The following HEMGN variants were observed in gnomAD, a reference collection of about 807,000 sequenced individuals.
The protein encoded by HEMGN is hemogen.
In HEMGN, 32 loss-of-function variants were observed where a neutral mutation model predicts 45.7. The observed-to-expected ratio is 0.70, with a 90% confidence interval of 0.53 to 0.94. HEMGN has a LOEUF of 0.94. Among genes scored for constraint, HEMGN ranks in the 40% least tolerant of loss-of-function variants. HEMGN has a pLI of 0.00. For missense variants in HEMGN, 530 were observed against 564.2 expected (o/e 0.94, Z 0.61); for synonymous variants, 183 against 178.6 (o/e 1.02, Z -0.20).
chr9:97,944,064 G>C (rs1321198152), intron 1 of HEMGN, among the ~76,000 whole-genome samples: 1 of 152,088 alleles, frequency 6.6e-6, no homozygotes, highest in Non-Finnish European at 1.5e-5. Flanking sequence ...TGTTTTCCAA[G>C]AGTCCCTGAT....
At chr9:97,938,635 C>T (rs1208225665), upstream of HEMGN, among the ~76,000 whole-genome samples, 1 of 152,136 alleles carries the variant, frequency 6.6e-6, no homozygotes, top group African/African-American at 2.4e-5. Context: ...CTACTTCATA[C>T]GGTTCTTGTG....
chr9:97,938,806 C>A (rs181917509), upstream of HEMGN, among the ~76,000 whole-genome samples: 2 of 152,108 alleles, frequency 1.3e-5, no homozygotes, highest in Non-Finnish European at 2.9e-5. Context: ...ACATAAAGAA[C>A]CAAATTAGAA....
Position 97,927,363 on chromosome 9 carries a change from C to CA in HEMGN, c.*20dup, listed in dbSNP as rs1465817147. ...TTAAGCTGTATGTTCCATTGGACCA[C>CA]AACTTTATGGTTGAGCATTGTTAAA... On this transcript the variant is annotated 3_prime_UTR_variant, in exon 4 of 4. Transcript: ENST00000616898. 3.5e-6 allele frequency: 5 copies of CA among 1,422,544 alleles called. No individual in the cohort carries two copies. The highest frequency in any genetic ancestry group is 4.9e-6 in the Non-Finnish European group (5 of 1,019,562). 88.1% of individuals were successfully genotyped at this position (1,422,544 alleles called of 1,614,324 possible).
intron 3 of HEMGN, 74 bp downstream of exon 3, chr9:97,929,961 G>C: frequency 3.7e-6 from 4 of 1,082,542 alleles, no homozygotes; most frequent in Non-Finnish European, 5.5e-6. Flanking sequence ...GGAATACCCA[G>C]GATTGTCAGA....
chr9:97,938,029 C>A (rs762299439), intron 1 of HEMGN, 29 bp downstream of exon 1: 1 of 1,404,652 alleles, frequency 7.1e-7, no homozygotes, highest in Non-Finnish European at 1.0e-6. Context: ...TTCTCAACAG[C>A]CACCAGCTCT....
intron 2 of HEMGN, among the ~76,000 whole-genome samples, chr9:97,932,965 T>C (rs1826984844): frequency 6.6e-6 from 1 of 152,094 alleles, no homozygotes. Flanking sequence ...GAAACACATA[T>C]TTTTTCCTAG....
Position 97,930,458 on chromosome 9 carries a change from T to C in HEMGN, c.937A>G (p.Lys313Glu). The change falls in exon 3 of 4, where the codon AAA becomes GAA. Residue 313 changes from lysine to glutamate, a missense_variant. Transcript: ENST00000616898. Reference protein sequence around the residue: ...EIAEPKDLSTKTHQESAEPKY... With the variant: ...EIAEPKDLSTETHQESAEPKY... The stretch of plus-strand genomic sequence containing the variant: ...GGTTCAGCTGATTCTTGGTGTGTTT[T>C]TGTAGAAAGGTCTTTAGGCTCAGCT... The C allele has an allele frequency of 6.2e-7, 1 of 1,614,190 alleles. No homozygotes were observed.
At chr9:97,927,933 A>G (rs1826860634) in intron 3 of HEMGN, among the ~76,000 whole-genome samples, 1 of 152,140 alleles carries the variant, frequency 6.6e-6, no homozygotes. Flanking sequence ...GATGTCTAGT[A>G]ACATTAATTA....
upstream of HEMGN, among the ~76,000 whole-genome samples, chr9:97,940,626 TCTAA>T (rs979109273): frequency 1.2e-3 from 190 of 152,336 alleles, no homozygotes; most frequent in African/African-American, 4.4e-3. Flanking sequence ...GTTAGAATTC[TCTAA>T]CTAGAATTTC....
Position 97,931,188 on chromosome 9 carries a change from T to A in HEMGN, c.207A>T (p.Gly69=). Residue 69 remains glycine (G), a synonymous_variant, in exon 3 of 4, where the codon GGA becomes GGT. Coordinates refer to ENST00000616898, the MANE Select transcript of HEMGN (RefSeq NM_197978.3). ...EQKKRKQQRT[G]KGNRRGRKRQ... is the part of the protein sequence containing the mutation. Reference sequence around the variant, plus strand: ...TCTTTCTGCCTCTTCGATTTCCTTTTCCTGTTCTCTGCTGCTTGCGTTTTT... The same window carrying A: ...TCTTTCTGCCTCTTCGATTTCCTTTACCTGTTCTCTGCTGCTTGCGTTTTT... The A allele has an allele frequency of 6.2e-7, 1 of 1,611,340 alleles. No homozygotes were observed. The highest frequency in any genetic ancestry group is 1.1e-5 in the South Asian group (1 of 90,358).
chr9:97,937,073 T>C (rs896839834), intron 1 of HEMGN, among the ~76,000 whole-genome samples: 1 of 152,182 alleles, frequency 6.6e-6, no homozygotes, highest in African/African-American at 2.4e-5. Context: ...CCTTGAACCA[T>C]GGTGCCTCTT....
Position 97,930,666 on chromosome 9 carries a change from A to G in HEMGN, c.729T>C (p.Pro243=). The change falls in exon 3 of 4, where the codon CCT becomes CCC. Residue 243 remains proline (P), a synonymous_variant. Transcript: ENST00000616898. Reference sequence around the variant, plus strand: ...CAGCTGTGTCTTCAGATGTTGGACAAGGAAGGATTTTGGGTACAGCAGCTT... The same window carrying G: ...CAGCTGTGTCTTCAGATGTTGGACAGGGAAGGATTTTGGGTACAGCAGCTT... ...CQEAAVPKIL[P]CPTSEDTADL... is the part of the protein sequence containing the mutation. The G allele has an allele frequency of 6.2e-7, 1 of 1,614,174 alleles. No homozygotes were observed. Among genetic ancestry groups the G allele is most frequent in the East Asian group, 2.2e-5 (1 of 44,884 alleles).
chr9:97,928,826 A>G (rs1826886069), intron 3 of HEMGN, among the ~76,000 whole-genome samples: 1 of 152,220 alleles, frequency 6.6e-6, no homozygotes, highest in Non-Finnish European at 1.5e-5. Context: ...AGTTGTTACA[A>G]AAGACATCAT....
Position 97,926,999 on chromosome 9 carries a change from T to C in HEMGN, c.*385A>G, listed in dbSNP as rs796254652. ...CTGTTACATTAATAATTGAACAGCA[T>C]TTACAAGAAAACTATATACTCCACA... is the stretch of plus-strand genomic sequence containing the variant. On this transcript the variant is annotated 3_prime_UTR_variant, in exon 4 of 4. Coordinates refer to ENST00000616898, the MANE Select transcript of HEMGN (RefSeq NM_197978.3). 1 of 154,532 alleles carries C rather than the reference T, an allele frequency of 6.5e-6. No individual in the cohort carries two copies. The highest frequency in any genetic ancestry group is 2.4e-5 in the African/African-American group (1 of 41,678). 9.6% of individuals were successfully genotyped at this position (154,532 alleles called of 1,614,324 possible). A position where few individuals can be genotyped will look rare whatever the true frequency, so the allele number is the denominator to read the frequency against.
At chr9:97,932,619 C>G (rs1413845375) in intron 2 of HEMGN, among the ~76,000 whole-genome samples, 2 of 152,098 alleles carry the variant, frequency 1.3e-5, no homozygotes, top group Non-Finnish European at 2.9e-5. Context: ...GCCTGGCCAA[C>G]ATAGTGAAAC....
At chr9:97,931,942 G>A (rs568099767) in intron 2 of HEMGN, among the ~76,000 whole-genome samples, 1 of 152,280 alleles carries the variant, frequency 6.6e-6, no homozygotes, top group Admixed American at 6.5e-5. Context: ...CAAATTGTTA[G>A]GCACTGCAAA....
Position 97,929,281 on chromosome 9 carries a change from C to G in HEMGN, c.1360+754G>C, listed in dbSNP as rs536803340. On this transcript the variant is annotated intron_variant, in intron 3 of 3. Coordinates refer to ENST00000616898, the MANE Select transcript of HEMGN (RefSeq NM_197978.3). ...TTCAAAACTGGTATTACTTGGAAAC[C>G]AACTAGCACCATGTTTTTGTTGCAC... 7.9e-5 allele frequency among the ~76,000 whole-genome samples: 12 copies of G among 152,298 alleles called. No individual in the cohort carries two copies. In the South Asian group the frequency reaches 2.5e-3, roughly 32 times the overall value.
At chr9:97,932,516 G>A (rs1826973407) in intron 2 of HEMGN, among the ~76,000 whole-genome samples, 1 of 152,062 alleles carries the variant, frequency 6.6e-6, no homozygotes, top group African/African-American at 2.4e-5. Context: ...TTTAAAAAAG[G>A]AAATCTAGGC....
At chr9:97,933,557 A>G (rs1826997853) in intron 2 of HEMGN, among the ~76,000 whole-genome samples, 1 of 152,208 alleles carries the variant, frequency 6.6e-6, no homozygotes, top group South Asian at 2.1e-4. Flanking sequence ...AGGGGTAGTG[A>G]AGTAATACAC....
Sources: gnomAD v4.1 joint callset for allele counts (sites outside exome capture counted in the v4.1 genomes callset) on GRCh38, gnomAD v4.1.1 for gene constraint, MANE v1.5 for transcripts, NCBI Gene and HGNC (gene_info 2026-07-23, HGNC 2026-07-21) for gene names.